Variants in RILPL1 observed in about 807,000 individuals in gnomAD.
The protein encoded by RILPL1 is Rab interacting lysosomal protein like 1, also known as RILP-like protein 1.
A neutral mutation model predicts 50.3 loss-of-function variants in RILPL1; 33 were observed. That is an observed-to-expected ratio of 0.66 (90% CI 0.50 to 0.88). The LOEUF (loss-of-function observed/expected upper bound fraction) is 0.88, where lower values mean the gene tolerates loss of function less well. Ranked by LOEUF, RILPL1 falls within the 40% of genes least tolerant of loss-of-function variation. The probability of loss-of-function intolerance (pLI) is 0.00; values close to 1 mark genes in which losing one functional copy is unlikely to be tolerated. For synonymous variants in RILPL1, 205 were observed against 228.6 expected (o/e 0.90, Z 0.93); for missense variants, 418 against 542.5 (o/e 0.77, Z 2.28).
At chr12:123,486,919 C>T (rs1882379239) in intron 4 of RILPL1, among the ~76,000 whole-genome samples, 1 of 152,178 alleles carries the variant, frequency 6.6e-6, no homozygotes, top group Non-Finnish European at 1.5e-5. Flanking sequence ...CTGCCTCAGC[C>T]TCCTGAGTAC....
rs950183655 is a variant in RILPL1 at position 123,485,837 on chromosome 12, C to A, written c.802-32G>T. Reference sequence around the variant, plus strand: ...GAGGCAGAGATGCTGCTAATGAATTCTTGGCAGCCACTGCCAGCACCCACT... The same window carrying A: ...GAGGCAGAGATGCTGCTAATGAATTATTGGCAGCCACTGCCAGCACCCACT... On this transcript the variant is annotated intron_variant, in intron 4 of 6. Coordinates refer to ENST00000376874, the MANE Select transcript of RILPL1 (RefSeq NM_178314.5). This position sits in a 1 kb window ranked among gnomAD's most constrained non-coding sequence, Gnocchi z 4.0. 1.3e-6 allele frequency: 2 copies of A among 1,571,528 alleles called. No individual in the cohort carries two copies. Among genetic ancestry groups the A allele is most frequent in the Non-Finnish European group, 1.7e-6 (2 of 1,161,062 alleles).
In RILPL1 at chr12:123,533,164, C is replaced by G; in HGVS notation, c.309+10G>C. ...ACTGCCCGGACGGACAGACCGAGGC[C>G]GCCGCCCACCTTCTGGTGCTTGCGC... On this transcript the variant is annotated intron_variant, in intron 1 of 6. Transcript: ENST00000376874. The surrounding 1 kb of genome is among the most constrained non-coding windows in gnomAD (Gnocchi z 6.2). 6.6e-7 allele frequency: 1 copy of G among 1,525,326 alleles called. No homozygotes were observed. Among genetic ancestry groups the G allele is most frequent in the Non-Finnish European group, 8.8e-7 (1 of 1,137,262 alleles). 94.5% of individuals were successfully genotyped at this position (1,525,326 alleles called of 1,614,324 possible).
intron 1 of RILPL1, among the ~76,000 whole-genome samples, chr12:123,524,918 G>A (rs187881139): frequency 5.5e-4 from 83 of 152,250 alleles, no homozygotes; most frequent in African/African-American, 1.9e-3. Flanking sequence ...GATCACTTGA[G>A]GTCAGAAGTC....
In RILPL1 at chr12:123,518,370, G is replaced by T. The variant is rs771669232; in HGVS notation, c.460+5125C>A. On this transcript the variant is annotated intron_variant, in intron 2 of 6. Transcript: ENST00000376874. ...AAAAATTTAAAACTTAGCCAGGCGT[G>T]GTGGTGCACACCTGTCATCCCAGCT... The T allele has an allele frequency of 9.5e-6, 4 of 422,476 alleles. No individual in the cohort carries two copies. The Admixed American group carries it at 1.1e-4, about 11-fold the overall frequency. The allele number at this position is 422,476 out of a possible 1,614,324, so 26.2% of individuals were successfully genotyped here. A position where few individuals can be genotyped will look rare whatever the true frequency, so the allele number is the denominator to read the frequency against.
intron 6 of RILPL1, 139 bp downstream of exon 6, chr12:123,484,041 C>CG (rs1882163371): frequency 3.2e-6 from 2 of 617,784 alleles, no homozygotes; most frequent in African/African-American, 3.7e-5. Flanking sequence ...AACTCAAAGT[C>CG]GGGGGCCAGG....
chr12:123,523,734 T>G (rs940236864), intron 1 of RILPL1, 89 bp from the exon 2 acceptor site: 35 of 1,453,692 alleles, frequency 2.4e-5, no homozygotes, highest in Non-Finnish European at 3.0e-5. Context: ...CTTGGGTTGC[T>G]GGGACTTTGG....
rs574671725 is a variant in RILPL1 at position 123,489,015 on chromosome 12, C to T, written c.802-3210G>A. On this transcript the variant is annotated intron_variant, in intron 4 of 6. Coordinates refer to ENST00000376874, the MANE Select transcript of RILPL1 (RefSeq NM_178314.5). This position sits in a 1 kb window ranked among gnomAD's most constrained non-coding sequence, Gnocchi z 4.0. ...CCCGGCAGCCACACACTCCATGTCT[C>T]CACCCAAGACCACATACAACAGGTG... Among the ~76,000 whole-genome samples, 45 of 152,276 alleles carry T rather than the reference C, an allele frequency of 3.0e-4. No homozygotes were observed. The highest frequency in any genetic ancestry group is 5.3e-4 in the Non-Finnish European group (36 of 68,024).
rs186647349 is a variant in RILPL1, at chr12:123,489,643, G to A, written c.802-3838C>T. ...GGTGCCACTGTACTCCAGCCTGGGC[G>A]ACAGAGCGACAGAGTAAGACTCCAT... On this transcript the variant is annotated intron_variant, in intron 4 of 6. Coordinates refer to ENST00000376874, the MANE Select transcript of RILPL1 (RefSeq NM_178314.5). This position sits in a 1 kb window ranked among gnomAD's most constrained non-coding sequence, Gnocchi z 4.0. Among the ~76,000 whole-genome samples, 15 of 151,542 alleles carry A rather than the reference G, an allele frequency of 9.9e-5. No individual in the cohort carries two copies. Among genetic ancestry groups the A allele is most frequent in the African/African-American group, 3.4e-4 (14 of 41,320 alleles).
intron 6 of RILPL1, among the ~76,000 whole-genome samples, chr12:123,480,477 A>T (rs1303348485): frequency 1.3e-5 from 2 of 151,926 alleles, no homozygotes; most frequent in Non-Finnish European, 2.9e-5. Flanking sequence ...GCTAATTCTT[A>T]ACGACCTGGG....
intron 1 of RILPL1, among the ~76,000 whole-genome samples, chr12:123,526,517 A>G (rs768833905): frequency 6.6e-6 from 1 of 152,070 alleles, no homozygotes; most frequent in Non-Finnish European, 1.5e-5. Context: ...AATGGTTACT[A>G]TAAGTAAAGC....
At chr12:123,494,898 G>A (rs1005695659) in intron 4 of RILPL1, among the ~76,000 whole-genome samples, 2 of 152,142 alleles carry the variant, frequency 1.3e-5, no homozygotes, top group African/African-American at 4.8e-5. Flanking sequence ...CCTGGGTGCC[G>A]ACTCCCCAGC....
chr12:123,522,439 C>T lies in RILPL1; in HGVS notation c.460+1056G>A, dbSNP rs1280133708. Among the ~76,000 whole-genome samples, 1 of 152,174 alleles carries T rather than the reference C, an allele frequency of 6.6e-6. No homozygotes were observed. Among genetic ancestry groups the T allele is most frequent in the Non-Finnish European group, 1.5e-5 (1 of 68,028 alleles). On this transcript the variant is annotated intron_variant, in intron 2 of 6. Coordinates refer to ENST00000376874, the MANE Select transcript of RILPL1 (RefSeq NM_178314.5). This position sits in a 1 kb window ranked among gnomAD's most constrained non-coding sequence, Gnocchi z 4.0. Reference sequence around the variant, plus strand: ...GTGCCATTCAGGTCTGGGATGCCATCCCGGGCTGCTCACTGGTAAGCGTTT... The same window carrying T: ...GTGCCATTCAGGTCTGGGATGCCATTCCGGGCTGCTCACTGGTAAGCGTTT...
intron 2 of RILPL1, among the ~76,000 whole-genome samples, chr12:123,521,988 C>G (rs996381453): frequency 6.6e-6 from 1 of 151,860 alleles, no homozygotes; most frequent in Non-Finnish European, 1.5e-5. Context: ...TTGGCCAGGC[C>G]TCAAACTCCT....
chr12:123,491,649 A>T lies in RILPL1; in HGVS notation c.802-5844T>A, dbSNP rs1405204772. 1.3e-5 allele frequency among the ~76,000 whole-genome samples: 2 copies of T among 152,164 alleles called. No individual in the cohort carries two copies. The highest frequency in any genetic ancestry group is 1.5e-5 in the Non-Finnish European group (1 of 68,032). On this transcript the variant is annotated intron_variant, in intron 4 of 6. Coordinates refer to ENST00000376874, the MANE Select transcript of RILPL1 (RefSeq NM_178314.5). This position sits in a 1 kb window ranked among gnomAD's most constrained non-coding sequence, Gnocchi z 4.0. ...ATTCTGCCCGCCTTTCAGCCAGCAT[A>T]CGCCTGTCTGCTTTCCCTATGCAGG...
At position 123,533,405 on chromosome 12, in the gene RILPL1, G is replaced by A; in HGVS notation, c.78C>T (p.Asp26=). The A allele has an allele frequency of 1.3e-6, 2 of 1,548,750 alleles. No individual in the cohort carries two copies. Among genetic ancestry groups the A allele is most frequent in the East Asian group, 2.4e-5 (1 of 40,960 alleles). Residue 26 remains aspartate, a synonymous_variant, in exon 1 of 7, where the codon GAC becomes GAT. Coordinates refer to ENST00000376874, the MANE Select transcript of RILPL1 (RefSeq NM_178314.5). This position sits in a 1 kb window ranked among gnomAD's most constrained non-coding sequence, Gnocchi z 6.2. ...EKNVAELTVM[D]VYDIASLVGH... ...CCACAAGCGACGCGATGTCGTACAC[G>A]TCCATGACGGTCAGCTCGGCCACGT...
At chr12:123,518,536 G>T in intron 2 of RILPL1, 2 of 214,266 alleles carry the variant, frequency 9.3e-6, no homozygotes, top group South Asian at 5.0e-5. Context: ...CGGTTAAGAT[G>T]GTAAATTTTA....
At chr12:123,484,936 G>A in intron 5 of RILPL1, 1 of 320,416 alleles carries the variant, frequency 3.1e-6, no homozygotes, top group Non-Finnish European at 6.3e-6. Context: ...TGGGATGACA[G>A]GCATGAGCCA....
intron 4 of RILPL1, among the ~76,000 whole-genome samples, chr12:123,492,232 A>ATAT (rs1311171894): frequency 7.2e-6 from 1 of 139,538 alleles, no homozygotes; most frequent in African/African-American, 2.8e-5. Context: ...AGAAGAAAAA[A>ATAT]AAATATATAT....
rs1183422842 is a variant in RILPL1, at chr12:123,498,594, G to A, written c.751C>T (p.Arg251Ter). The change falls in exon 4 of 7, where the codon CGA becomes TGA. Residue 251 changes from arginine to a stop codon, truncating the protein, a stop_gained. Transcript: ENST00000376874. LOFTEE classifies it high-confidence loss of function. This position sits in a 1 kb window ranked among gnomAD's most constrained non-coding sequence, Gnocchi z 4.3. ...CTGTGCTCCCCCTGCAGCCTCTCTC[G>A]CAACTTCCCCAGCTCTGCTCGCAGG... is the stretch of plus-strand genomic sequence containing the variant. Reference protein sequence around the residue: ...GSLRAELGKLRERLQGEHSQN... With the variant: ...GSLRAELGKL The A allele has an allele frequency of 6.2e-6, 10 of 1,613,348 alleles. No homozygotes were observed. Among genetic ancestry groups the A allele is most frequent in the Middle Eastern group, 1.6e-4 (1 of 6,084 alleles).
Sources: allele counts gnomAD v4.1 joint callset (sites outside exome capture counted in the v4.1 genomes callset), GRCh38; gene constraint gnomAD v4.1.1; non-coding constraint Gnocchi (gnomAD v3.1); transcripts MANE v1.5; gene names NCBI Gene and HGNC (gene_info 2026-07-23, HGNC 2026-07-21).